The following NELL2 variants were observed in gnomAD, a reference collection of about 807,000 sequenced individuals.
The protein encoded by NELL2 is protein kinase C-binding protein NELL2.
A neutral mutation model predicts 109.6 loss-of-function variants in NELL2; 41 were observed. That is an observed-to-expected ratio of 0.37 (90% CI 0.29 to 0.49). NELL2 has a LOEUF of 0.49. Among genes scored for constraint, NELL2 ranks in the 20% least tolerant of loss-of-function variants. The pLI is 0.98. For synonymous variants in NELL2, 355 were observed against 344.7 expected (o/e 1.03, Z -0.33); for missense variants, 900 against 1,008.3 (o/e 0.89, Z 1.45).
intron 15 of NELL2, among the ~76,000 whole-genome samples, chr12:44,562,501 GC>G (rs1943504105): frequency 6.6e-6 from 1 of 152,090 alleles, no homozygotes; most frequent in Non-Finnish European, 1.5e-5. Context: ...GAAAAAGTGG[GC>G]AAAAGATATG....
intron 16 of NELL2, among the ~76,000 whole-genome samples, chr12:44,527,519 C>T (rs1941840393): frequency 6.6e-6 from 1 of 152,082 alleles, no homozygotes; most frequent in African/African-American, 2.4e-5. Flanking sequence ...CAACTGTAAC[C>T]TAAAAAGTAA....
chr12:44,562,404 TG>T (rs1943499991), intron 15 of NELL2, among the ~76,000 whole-genome samples: 1 of 152,182 alleles, frequency 6.6e-6, no homozygotes, highest in East Asian at 1.9e-4. Context: ...AGAAAATCTT[TG>T]CAATCTATCC....
chr12:44,696,343 T>C (rs1190451523), intron 12 of NELL2, among the ~76,000 whole-genome samples: 2 of 152,216 alleles, frequency 1.3e-5, no homozygotes, highest in Non-Finnish European at 2.9e-5. Flanking sequence ...AGTCAACTGG[T>C]ATTTATTACG....
intron 3 of NELL2, among the ~76,000 whole-genome samples, chr12:44,792,919 T>C (rs1426551295): frequency 6.6e-6 from 1 of 152,172 alleles, no homozygotes; most frequent in African/African-American, 2.4e-5. Flanking sequence ...CAATGACATA[T>C]GTAGAAGGTG....
At chr12:44,890,091 T>C (rs1192813996) in intron 1 of NELL2, among the ~76,000 whole-genome samples, 1 of 152,230 alleles carries the variant, frequency 6.6e-6, no homozygotes, top group Non-Finnish European at 1.5e-5. Flanking sequence ...ATGTATCATT[T>C]AGTCCTCTGA....
rs552952695 is a variant in NELL2 at position 44,913,650 on chromosome 12, G to A, written c.38+149C>T. ...AAACTCTTAACATACTATAAAATTCGTAAACGTTAATATATTTTAAAGAAA... is the reference window on the plus strand; with the variant it reads ...AAACTCTTAACATACTATAAAATTCATAAACGTTAATATATTTTAAAGAAA... On this transcript the variant is annotated intron_variant, in intron 1 of 20. Transcript: ENST00000333837. 4.5e-4 allele frequency: 164 copies of A among 365,166 alleles called. 2 individuals are homozygous for A. In the South Asian group the frequency reaches 5.0e-3, roughly 11 times the overall value. 22.6% of individuals were successfully genotyped at this position (365,166 alleles called of 1,614,324 possible). A position where few individuals can be genotyped will look rare whatever the true frequency, so the allele number is the denominator to read the frequency against.
chr12:44,685,222 G>T (rs1394114355), intron 12 of NELL2, among the ~76,000 whole-genome samples: 1 of 152,076 alleles, frequency 6.6e-6, no homozygotes, highest in Non-Finnish European at 1.5e-5. Context: ...TTTTATCAGA[G>T]ACTAGGATTG....
chr12:44,590,015 C>G (rs765906390), intron 15 of NELL2, among the ~76,000 whole-genome samples: 3 of 152,156 alleles, frequency 2.0e-5, no homozygotes, highest in African/African-American at 2.4e-5. Context: ...TACCCAACTC[C>G]TAACTTACAG....
intron 13 of NELL2, among the ~76,000 whole-genome samples, chr12:44,623,876 T>G (rs1454776537): frequency 1.3e-5 from 2 of 151,986 alleles, no homozygotes; most frequent in African/African-American, 4.8e-5. Context: ...CTCTGCAAAC[T>G]AACTCAAGAA....
chr12:44,639,977 T>G (rs748301026), intron 13 of NELL2, among the ~76,000 whole-genome samples: 1 of 152,156 alleles, frequency 6.6e-6, no homozygotes. Context: ...ACCAACCTTT[T>G]ATCCCAACTC....
chr12:44,603,790 G>A (rs1945303499), intron 15 of NELL2, among the ~76,000 whole-genome samples: 1 of 152,136 alleles, frequency 6.6e-6, no homozygotes, highest in Non-Finnish European at 1.5e-5. Context: ...GAAATGAGGG[G>A]AGGGTGTTTC....
In NELL2 at chr12:44,890,330, G is replaced by A. The variant is rs75772537; in HGVS notation, c.39-14430C>T. 9.3e-4 allele frequency among the ~76,000 whole-genome samples: 142 copies of A among 152,264 alleles called. 1 individual carries two copies. In the East Asian group the frequency reaches 0.019, roughly 20 times the overall value. Reference sequence around the variant, plus strand: ...CACAGCGCTAAGTACAGGACTTGCCGGGAAGACTGGCCATCATTTAGGATC... The same window carrying A: ...CACAGCGCTAAGTACAGGACTTGCCAGGAAGACTGGCCATCATTTAGGATC... On this transcript the variant is annotated intron_variant, in intron 1 of 20. Coordinates refer to the NELL2 transcript ENST00000333837.
intron 2 of NELL2, among the ~76,000 whole-genome samples, chr12:44,846,106 T>C (rs1312909012): frequency 6.6e-6 from 1 of 152,220 alleles, no homozygotes; most frequent in Non-Finnish European, 1.5e-5. Flanking sequence ...AGTACATCCC[T>C]TGAAGTTACT....
chr12:44,777,449 A>C, intron 5 of NELL2, 135 bp from the exon 6 acceptor site: 1 of 676,176 alleles, frequency 1.5e-6, no homozygotes, highest in Non-Finnish European at 2.6e-6. Flanking sequence ...TTGTTAATAC[A>C]TTATTTCCAC....
chr12:44,853,606 A>G (rs1031900732), intron 2 of NELL2, among the ~76,000 whole-genome samples: 2 of 152,192 alleles, frequency 1.3e-5, no homozygotes, highest in South Asian at 2.1e-4. Context: ...TCTATTAGGT[A>G]TCCTACATAA....
intron 9 of NELL2, among the ~76,000 whole-genome samples, chr12:44,752,075 A>G (rs962422621): frequency 3.3e-5 from 5 of 152,236 alleles, no homozygotes; most frequent in African/African-American, 1.2e-4. Flanking sequence ...AGGTTGGACA[A>G]GCTTGAGCTG....
At position 44,690,541 on chromosome 12, in the gene NELL2, GA is replaced by G. The variant is rs113014523; in HGVS notation, c.1318+13184del. On this transcript the variant is annotated intron_variant, in intron 12 of 19. Transcript: ENST00000429094. ...GTTGGACCTCAAACACTGAGGTCTT[GA>G]AAAAAAAAAAACTGCCAAAGGAGTA... is the stretch of plus-strand genomic sequence containing the variant. Among the ~76,000 whole-genome samples the G allele has an allele frequency of 1.1e-3, 150 of 139,068 alleles. 1 individual carries two copies. Among genetic ancestry groups the G allele is most frequent in the Middle Eastern group, 7.1e-3 (2 of 282 alleles). 91.2% of individuals were successfully genotyped at this position (139,068 alleles called of 152,430 possible).
At chr12:44,912,966 G>C (rs2136894479) in intron 1 of NELL2, among the ~76,000 whole-genome samples, 1 of 152,254 alleles carries the variant, frequency 6.6e-6, no homozygotes, top group Middle Eastern at 3.4e-3. Flanking sequence ...AATTGTGACA[G>C]TCCCTAACTC....
chr12:44,545,803 C>CTGCATTA lies in NELL2; in HGVS notation c.1664-13089_1664-13083dup, dbSNP rs1383724256. Among the ~76,000 whole-genome samples, 31 of 152,190 alleles carry CTGCATTA rather than the reference C, an allele frequency of 2.0e-4. 1 individual carries two copies. In the South Asian group the frequency reaches 6.0e-3, roughly 30 times the overall value. ...TATGGATGTGAAGCATCTATTGGCTCTGCATTATTAAGTAGACTGCTCTTA... is the reference window on the plus strand; with the variant it reads ...TATGGATGTGAAGCATCTATTGGCTCTGCATTATGCATTATTAAGTAGACTGCTCTTA... On this transcript the variant is annotated intron_variant, in intron 15 of 19. Transcript: ENST00000429094.
Sources: gnomAD v4.1 joint callset for allele counts (sites outside exome capture counted in the v4.1 genomes callset) on GRCh38, gnomAD v4.1.1 for gene constraint, MANE v1.5 for transcripts, NCBI Gene and HGNC (gene_info 2026-07-23, HGNC 2026-07-21) for gene names.